The following HDAC4 variants were observed in gnomAD, a reference collection of about 807,000 sequenced individuals.
The protein encoded by HDAC4 is histone deacetylase 4, also known as histone deacetylase A.
A neutral mutation model predicts 135.1 loss-of-function variants in HDAC4; 16 were observed. The ratio of observed to expected loss-of-function variants is 0.12; its 90% CI spans 0.08 to 0.18. The LOEUF (loss-of-function observed/expected upper bound fraction) is 0.18, where lower values mean the gene tolerates loss of function less well. Among genes scored for constraint, HDAC4 ranks in the 10% least tolerant of loss-of-function variants. The pLI is 1.00. For missense variants in HDAC4, 1,143 were observed against 1,511.8 expected, an observed-to-expected ratio of 0.76 and a Z score of 4.05; for synonymous variants, 685 against 653.4, an observed-to-expected ratio of 1.05 and a Z score of -0.74.
At chr2:239,054,508 A>C (rs550891328) in intron 25 of HDAC4, among the ~76,000 whole-genome samples, 1 of 152,210 alleles carries the variant, frequency 6.6e-6, no homozygotes, top group African/African-American at 2.4e-5. Context: ...GATTCTCTAG[A>C]CTTACAAATT....
rs754962086 is a variant in HDAC4 at position 239,144,665 on chromosome 2, G to T, written c.783C>A (p.Ala261=). ...KLRSRLKQKV[A]ERRSSPLLRR... ...GTAACAGGGGGCTGCTCCGTCTTTCGGCCACTTTCTGCTTTAGCCTGGACC... is the reference window on the plus strand; with the variant it reads ...GTAACAGGGGGCTGCTCCGTCTTTCTGCCACTTTCTGCTTTAGCCTGGACC... Residue 261 remains alanine (A), a synonymous_variant, in exon 8 of 27, where the codon GCC becomes GCA. Transcript: ENST00000543185. 2 of 1,614,004 alleles carry T rather than the reference G, an allele frequency of 1.2e-6. No homozygotes were observed. The highest frequency in any genetic ancestry group is 1.7e-6 in the Non-Finnish European group (2 of 1,180,024).
At position 239,307,991 on chromosome 2, in the gene HDAC4, CGGCCACACAGCAATGAGT is replaced by C. The variant is rs1005800019; in HGVS notation, c.22+44669_22+44686del. On this transcript the variant is annotated intron_variant, in intron 2 of 26. Coordinates refer to ENST00000543185, the MANE Select transcript of HDAC4 (RefSeq NM_001378414.1). The surrounding 1 kb of genome is among the most constrained non-coding windows in gnomAD (Gnocchi z 4.8). The stretch of plus-strand genomic sequence containing the variant: ...GTGTCCCCATCCCCCCCAAAGTGAG[CGGCCACACAGCAATGAGT>C]GGCCACACAGCAACGAGCTGCGAGG... Among the ~76,000 whole-genome samples the C allele has an allele frequency of 1.3e-5, 2 of 152,160 alleles. No homozygotes were observed. The highest frequency in any genetic ancestry group is 2.1e-4 in the South Asian group (1 of 4,830).
intron 2 of HDAC4, among the ~76,000 whole-genome samples, chr2:239,256,408 G>C (rs1346044824): frequency 6.6e-6 from 1 of 152,248 alleles, no homozygotes; most frequent in Non-Finnish European, 1.5e-5. Context: ...AAGAGATTCA[G>C]AACAACACAT....
intron 14 of HDAC4, among the ~76,000 whole-genome samples, chr2:239,111,039 G>A (rs936863404): frequency 6.6e-6 from 1 of 152,384 alleles, no homozygotes; most frequent in Admixed American, 6.5e-5. Flanking sequence ...CAGAGGACGT[G>A]TGGCTCCCAC....
chr2:239,359,286 G>A (rs140655359), intron 1 of HDAC4, among the ~76,000 whole-genome samples: 38 of 152,292 alleles, frequency 2.5e-4, no homozygotes, highest in Non-Finnish European at 3.1e-4. Context: ...TGAAACGTCC[G>A]AAAGTTAACG....
intron 2 of HDAC4, among the ~76,000 whole-genome samples, chr2:239,317,111 G>T (rs1240632899): frequency 1.3e-5 from 2 of 152,136 alleles, no homozygotes; most frequent in East Asian, 3.8e-4. Flanking sequence ...TCTAGTTGGG[G>T]GTTTCTTTTT....
intron 4 of HDAC4, among the ~76,000 whole-genome samples, chr2:239,179,847 C>T (rs1333077702): frequency 6.6e-6 from 1 of 152,262 alleles, no homozygotes; most frequent in African/African-American, 2.4e-5. Flanking sequence ...AAGCCTTCTG[C>T]TACAGGGCTC....
At chr2:239,237,996 A>G (rs1176006039) in intron 2 of HDAC4, among the ~76,000 whole-genome samples, 1 of 152,296 alleles carries the variant, frequency 6.6e-6, no homozygotes, top group East Asian at 1.9e-4. Flanking sequence ...GGCAGGTCAT[A>G]GTTACACCTT....
chr2:239,068,495 C>T lies in HDAC4; in HGVS notation c.2863G>A (p.Ala955Thr), dbSNP rs753247137. Residue 955 changes from alanine to threonine, a missense_variant, in exon 23 of 27, where the codon GCC becomes ACC. This residue lies in a region of HDAC4 where 189 missense variants were observed against 317.6 expected (regional missense o/e 0.60). Transcript: ENST00000543185. This position sits in a 1 kb window ranked among gnomAD's most constrained non-coding sequence, Gnocchi z 4.4. ...PTPLGGYNLS[A>T]RCFGYLTKQL... ...CATATGCAGAACCACTTACATCTGGCGGAGAGGTTGTAGCCCCCAAGAGGG... is the reference window on the plus strand; with the variant it reads ...CATATGCAGAACCACTTACATCTGGTGGAGAGGTTGTAGCCCCCAAGAGGG... 4 of 1,610,566 alleles carry T rather than the reference C, an allele frequency of 2.5e-6. No homozygotes were observed. Among genetic ancestry groups the T allele is most frequent in the East Asian group, 2.2e-5 (1 of 44,860 alleles).
rs532530867 is a variant in HDAC4 at position 239,305,257 on chromosome 2, T to A, written c.22+47421A>T. ...AGTCGGTTTTCATCCAGGTTGGTAG[T>A]CAGGTTTCTGAAAGCGATGGCAGTC... On this transcript the variant is annotated intron_variant, in intron 2 of 26. Transcript: ENST00000543185. Among the ~76,000 whole-genome samples the A allele has an allele frequency of 4.6e-5, 7 of 152,368 alleles. No individual in the cohort carries two copies. In the South Asian group the frequency reaches 1.4e-3, roughly 32 times the overall value.
intron 8 of HDAC4, among the ~76,000 whole-genome samples, chr2:239,140,472 T>C (rs557506557): frequency 6.6e-6 from 1 of 152,284 alleles, no homozygotes; most frequent in Admixed American, 6.5e-5. Flanking sequence ...TGCTGCTATT[T>C]TGGGCACACA....
chr2:239,120,396 C>T (rs528133988), intron 12 of HDAC4, among the ~76,000 whole-genome samples: 2 of 137,432 alleles, frequency 1.5e-5, no homozygotes, highest in South Asian at 5.0e-4. Context: ...CACACAGACG[C>T]ACACAGACAC....
At position 239,068,507 on chromosome 2, in the gene HDAC4, A is replaced by G; in HGVS notation, c.2851T>C (p.Tyr951His). The G allele has an allele frequency of 6.2e-7, 1 of 1,613,364 alleles. No individual in the cohort carries two copies. Among genetic ancestry groups the G allele is most frequent in the Non-Finnish European group, 8.5e-7 (1 of 1,179,456 alleles). ...CACTTACATCTGGCGGAGAGGTTGTAGCCCCCAAGAGGGGTGGGGTGGCCC... is the reference window on the plus strand; with the variant it reads ...CACTTACATCTGGCGGAGAGGTTGTGGCCCCCAAGAGGGGTGGGGTGGCCC... ...VEGHPTPLGG[Y>H]NLSARCFGYL... Residue 951 changes from tyrosine (Y) to histidine (H), a missense_variant, in exon 23 of 27, where the codon TAC (tyrosine) becomes CAC (histidine). Coordinates refer to ENST00000543185, the MANE Select transcript of HDAC4 (RefSeq NM_001378414.1). The surrounding 1 kb of genome is among the most constrained non-coding windows in gnomAD (Gnocchi z 4.4).
intron 2 of HDAC4, among the ~76,000 whole-genome samples, chr2:239,342,526 G>A (rs539803425): frequency 2.8e-4 from 42 of 152,176 alleles, no homozygotes; most frequent in Non-Finnish European, 2.5e-4. Flanking sequence ...AAACAAATAC[G>A]TTACAATAAG....
chr2:239,123,574 G>A (rs2039880713), intron 12 of HDAC4, among the ~76,000 whole-genome samples: 1 of 152,232 alleles, frequency 6.6e-6, no homozygotes, highest in African/African-American at 2.4e-5. Context: ...GGATGGATTT[G>A]GGCCACAGCC....
chr2:239,147,123 G>A (rs562133040), intron 7 of HDAC4, among the ~76,000 whole-genome samples: 2 of 152,368 alleles, frequency 1.3e-5, no homozygotes, highest in South Asian at 4.1e-4. Context: ...GGGGCTCGGG[G>A]AGGGGATTGA....
At chr2:239,179,990 G>T (rs1215781693) in intron 4 of HDAC4, among the ~76,000 whole-genome samples, 1 of 152,238 alleles carries the variant, frequency 6.6e-6, no homozygotes, top group Non-Finnish European at 1.5e-5. Context: ...CTGTGAGCGT[G>T]CAAGGGCGCT....
At chr2:239,238,655 G>C (rs2048019073) in intron 2 of HDAC4, among the ~76,000 whole-genome samples, 1 of 152,208 alleles carries the variant, frequency 6.6e-6, no homozygotes, top group Admixed American at 6.5e-5. Context: ...CTTGAGTTTG[G>C]AAGTGAACTG....
intron 3 of HDAC4, among the ~76,000 whole-genome samples, chr2:239,210,004 A>G (rs1431179569): frequency 6.6e-6 from 1 of 152,216 alleles, no homozygotes. Flanking sequence ...GAGCAGCAGC[A>G]GCATGAATGA....
Sources: allele counts gnomAD v4.1 joint callset (sites outside exome capture counted in the v4.1 genomes callset), GRCh38; gene constraint gnomAD v4.1.1; regional missense constraint gnomAD v4.1.1; non-coding constraint Gnocchi (gnomAD v3.1); transcripts MANE v1.5; gene names NCBI Gene and HGNC (gene_info 2026-07-23, HGNC 2026-07-21).